The following MAEL variants were observed in gnomAD, a reference collection of about 807,000 sequenced individuals.
The protein encoded by MAEL is protein maelstrom homolog.
In MAEL, 46 loss-of-function variants were observed where a neutral mutation model predicts 62.0. The observed-to-expected ratio is 0.74, with a 90% CI of 0.59 to 0.95. The LOEUF (loss-of-function observed/expected upper bound fraction) is 0.95, where lower values mean the gene tolerates loss of function less well. Among genes scored for constraint, MAEL ranks in the 40% least tolerant of loss-of-function variants. The pLI, the probability that MAEL is intolerant of heterozygous loss-of-function variation, is 0.00. For missense variants in MAEL, 497 were observed against 526.8 expected, an observed-to-expected ratio of 0.94 and a Z score of 0.55; for synonymous variants, 172 against 175.5, an observed-to-expected ratio of 0.98 and a Z score of 0.16.
At chr1:167,000,774 A>G (rs535203959) in intron 5 of MAEL, among the ~76,000 whole-genome samples, 1 of 152,348 alleles carries the variant, frequency 6.6e-6, no homozygotes, top group Non-Finnish European at 1.5e-5. Context: ...CAGTAACATC[A>G]AGACAGGATC....
intron 1 of MAEL, among the ~76,000 whole-genome samples, chr1:166,976,674 T>C (rs1663592365): frequency 6.6e-6 from 1 of 152,072 alleles, no homozygotes; most frequent in Non-Finnish European, 1.5e-5. Context: ...GAAAGAGACA[T>C]AGCAGAAAGG....
In MAEL at chr1:166,980,083, C is replaced by T. The variant is rs557775972; in HGVS notation, c.-121+4417C>T. 3.4e-4 allele frequency among the ~76,000 whole-genome samples: 52 copies of T among 152,270 alleles called. 1 individual carries two copies. The South Asian group carries it at 3.5e-3, about 10-fold the overall frequency. ...CCAGACTGGACTGCAATGGTGCCAT[C>T]GTAGCTCACTGCAACCTTGAACTCC... On this transcript the variant is annotated intron_variant, in intron 1 of 12. Transcript: ENST00000622874.
At chr1:166,976,962 TAGCCAGG>T (rs1663607165) in intron 1 of MAEL, among the ~76,000 whole-genome samples, 1 of 152,190 alleles carries the variant, frequency 6.6e-6, no homozygotes, top group South Asian at 2.1e-4. Context: ...GCCCCTGGCA[TAGCCAGG>T]CTGACCTCTC....
At chr1:167,013,126 G>C (rs1665238748) in intron 8 of MAEL, among the ~76,000 whole-genome samples, 1 of 152,170 alleles carries the variant, frequency 6.6e-6, no homozygotes, top group African/African-American at 2.4e-5. Flanking sequence ...TCCTGGTGAG[G>C]CATCACATCT....
intron 8 of MAEL, among the ~76,000 whole-genome samples, chr1:167,008,843 G>A (rs1259515553): frequency 2.0e-5 from 3 of 151,970 alleles, no homozygotes; most frequent in Non-Finnish European, 4.4e-5. Flanking sequence ...CAGGTGAAAA[G>A]GACTTTCTGC....
In MAEL at chr1:166,991,530, T is replaced by C; in HGVS notation, c.325+53T>C. The C allele has an allele frequency of 4.0e-6, 4 of 1,011,404 alleles. No individual in the cohort carries two copies. The Admixed American group carries it at 7.0e-5, about 18-fold the overall frequency. 62.7% of individuals were successfully genotyped at this position (1,011,404 alleles called of 1,614,324 possible). A position where few individuals can be genotyped will look rare whatever the true frequency, so the allele number is the denominator to read the frequency against. On this transcript the variant is annotated intron_variant, in intron 3 of 11. Transcript: ENST00000367872. ...AGATAAATTTGAGTGCCCAAAACAC[T>C]ATATTTGTCAGTAAAAATATTTTCT...
At chr1:167,015,919 A>G (rs1316396224) in intron 8 of MAEL, among the ~76,000 whole-genome samples, 2 of 152,202 alleles carry the variant, frequency 1.3e-5, no homozygotes, top group Non-Finnish European at 2.9e-5. Flanking sequence ...GGCCTAGAAA[A>G]TAGTGTACAT....
chr1:166,977,515 T>C (rs760735545), intron 1 of MAEL, among the ~76,000 whole-genome samples: 26 of 152,116 alleles, frequency 1.7e-4, no homozygotes, highest in Non-Finnish European at 3.1e-4. Flanking sequence ...CTAAAGCATA[T>C]ACTGTTTGCA....
chr1:167,003,648 T>C lies in MAEL; in HGVS notation c.524-532T>C, dbSNP rs76773441. Reference sequence around the variant, plus strand: ...CTAATCTCACCGCTCTGAATTGATATATTCTCTAATCTTAACCCATTAATT... The same window carrying C: ...CTAATCTCACCGCTCTGAATTGATACATTCTCTAATCTTAACCCATTAATT... On this transcript the variant is annotated intron_variant, in intron 5 of 11. Transcript: ENST00000367872. Among the ~76,000 whole-genome samples, 1,049 of 152,364 alleles carry C rather than the reference T, an allele frequency of 6.9e-3. 6 individuals carry two copies. The highest frequency in any genetic ancestry group is 0.011 in the Non-Finnish European group (744 of 68,036).
At position 166,992,707 on chromosome 1, in the gene MAEL, A is replaced by G; in HGVS notation, c.347A>G (p.Tyr116Cys). 6.3e-7 allele frequency: 1 copy of G among 1,588,846 alleles called. No homozygotes were observed. The highest frequency in any genetic ancestry group is 8.5e-7 in the Non-Finnish European group (1 of 1,172,534). Residue 116 changes from tyrosine to cysteine, a missense_variant, in exon 4 of 12, where the codon TAT (tyrosine) becomes TGT (cysteine). Physicochemically the swap from Tyr to Cys is radical, Grantham distance 194 (BLOSUM62 -2). Transcript: ENST00000367872. ...GDQALLGGIFYFLNIFSHGEL... is the reference protein window; with the variant it reads ...GDQALLGGIFCFLNIFSHGEL... ...TTAGCTCTCCTTGGAGGCATTTTTT[A>G]TTTTTTGAACATTTTTAGCCATGGC...
In MAEL at chr1:166,997,650, C is replaced by T. The variant is rs560893618; in HGVS notation, c.523+3581C>T. The stretch of plus-strand genomic sequence containing the variant: ...TGAATTCCTGGGCTTAAGTGATCCT[C>T]CTGCCTCACTCTCCTGAGTAGCTGG... On this transcript the variant is annotated intron_variant, in intron 5 of 11. Coordinates refer to ENST00000367872, the MANE Select transcript of MAEL (RefSeq NM_032858.3). 2.6e-5 allele frequency among the ~76,000 whole-genome samples: 4 copies of T among 152,310 alleles called. No homozygotes were observed. The East Asian group carries it at 7.7e-4, about 29-fold the overall frequency.
chr1:166,975,996 C>G (rs1266011660), intron 1 of MAEL, among the ~76,000 whole-genome samples: 1 of 152,190 alleles, frequency 6.6e-6, no homozygotes, highest in African/African-American at 2.4e-5. Context: ...TGCGGTACCC[C>G]CGCCCCTCCG....
intron 5 of MAEL, among the ~76,000 whole-genome samples, chr1:166,995,235 A>G (rs1374669997): frequency 6.6e-6 from 1 of 151,782 alleles, no homozygotes; most frequent in Non-Finnish European, 1.5e-5. Flanking sequence ...TTGTTCTAGT[A>G]GTTCCTTTTT....
chr1:166,997,905 T>C (rs1383664245), intron 5 of MAEL, among the ~76,000 whole-genome samples: 1 of 152,210 alleles, frequency 6.6e-6, no homozygotes, highest in Non-Finnish European at 1.5e-5. Context: ...TTCACTTTAA[T>C]TTTTAACCAT....
chr1:166,984,548 A>AAAAT (rs966822508), upstream of MAEL, among the ~76,000 whole-genome samples: 4 of 152,322 alleles, frequency 2.6e-5, no homozygotes, highest in South Asian at 2.1e-4. Context: ...CTGTCAATTA[A>AAAAT]AAATAAATAA....
chr1:166,994,053 T>G lies in MAEL; in HGVS notation c.507T>G (p.Phe169Leu). The change falls in exon 5 of 12, where the codon TTT (phenylalanine) becomes TTG (leucine). Residue 169 changes from phenylalanine (F) to leucine (L), a missense_variant. Phe to Leu is a conservative substitution (Grantham distance 22, BLOSUM62 0). Coordinates refer to ENST00000367872, the MANE Select transcript of MAEL (RefSeq NM_032858.3). Reference protein sequence around the residue: ...NPGEIPRGFRFHCQAASDSSH... With the variant: ...NPGEIPRGFRLHCQAASDSSH... ...GTGAAATTCCACGAGGATTTCGATT[T>G]CATTGTCAGGCTGCAAGTAAGTATA... The G allele has an allele frequency of 6.2e-7, 1 of 1,613,378 alleles. No homozygotes were observed. The highest frequency in any genetic ancestry group is 8.5e-7 in the Non-Finnish European group (1 of 1,179,664).
intron 5 of MAEL, among the ~76,000 whole-genome samples, chr1:167,003,647 A>G (rs1023392690): frequency 6.6e-6 from 1 of 152,198 alleles, no homozygotes; most frequent in Non-Finnish European, 1.5e-5. Flanking sequence ...CTGAATTGAT[A>G]TATTCTCTAA....
At position 166,992,746 on chromosome 1, in the gene MAEL, A is replaced by G. The variant is rs1664245357; in HGVS notation, c.386A>G (p.His129Arg). The G allele has an allele frequency of 6.2e-7, 1 of 1,611,232 alleles. No homozygotes were observed. The highest frequency in any genetic ancestry group is 8.5e-7 in the Non-Finnish European group (1 of 1,179,026). ...TTTAGCCATGGCGAGCTACCTCCTC[A>G]TTGTGAACAGCGCTTCCTCCCTTGT... ...NIFSHGELPP[H>R]CEQRFLPCEI... The change falls in exon 4 of 12, where the codon CAT becomes CGT. Residue 129 changes from histidine to arginine, a missense_variant. Physicochemically the swap from His to Arg is conservative, Grantham distance 29. Transcript: ENST00000367872.
At chr1:166,989,183 C>G, upstream of MAEL, 2 of 904,270 alleles carry the variant, frequency 2.2e-6, no homozygotes, top group Non-Finnish European at 3.3e-6. Flanking sequence ...ATCTTCCAGT[C>G]TCAGGCTGTT....
Sources: gnomAD v4.1 joint callset for allele counts (sites outside exome capture counted in the v4.1 genomes callset) on GRCh38, gnomAD v4.1.1 for gene constraint, MANE v1.5 for transcripts, NCBI Gene and HGNC (gene_info 2026-07-23, HGNC 2026-07-21) for gene names.